LRRC28: variants seen among roughly 807,000 people sequenced by gnomAD.
The protein encoded by LRRC28 is leucine rich repeat containing 28.
Under a neutral mutation model 45.7 loss-of-function variants are expected in LRRC28, and 39 were observed. That is an observed-to-expected ratio of 0.85 (90% CI 0.66 to 1.12). The LOEUF is 1.12. Ranked by LOEUF, LRRC28 falls within the 50% of genes most tolerant of loss-of-function variation. LRRC28 has a pLI of 0.00. For synonymous variants in LRRC28, 206 were observed against 178.8 expected (o/e 1.15, Z -1.22); for missense variants, 435 against 438.5 (o/e 0.99, Z 0.07).
chr15:99,348,222 G>A, intron 6 of LRRC28, among the ~76,000 whole-genome samples: 1 of 152,154 alleles, frequency 6.6e-6, no homozygotes, highest in Middle Eastern at 3.4e-3. Context: ...CCTGTCAGTA[G>A]GTTGCCTTTT....
chr15:99,284,999 T>C (rs960815763), intron 3 of LRRC28: 3 of 640,970 alleles, frequency 4.7e-6, no homozygotes, highest in African/African-American at 3.6e-5. Flanking sequence ...CACTTCAGCC[T>C]CTTTGGCTGG....
At chr15:99,378,935 G>A (rs567002278) in intron 9 of LRRC28, among the ~76,000 whole-genome samples, 85 of 152,148 alleles carry the variant, frequency 5.6e-4, no homozygotes, top group African/African-American at 2.0e-3. Context: ...TGCTGGATTC[G>A]GTTTCCCAGT....
chr15:99,337,507 T>A (rs1300457974), intron 6 of LRRC28, among the ~76,000 whole-genome samples: 1 of 152,202 alleles, frequency 6.6e-6, no homozygotes, highest in Non-Finnish European at 1.5e-5. Flanking sequence ...GCTAAGGAGG[T>A]GGGCATCTCT....
intron 5 of LRRC28, among the ~76,000 whole-genome samples, chr15:99,327,548 A>G (rs1956026001): frequency 6.6e-6 from 1 of 152,100 alleles, no homozygotes; most frequent in Admixed American, 6.5e-5. Flanking sequence ...TAATAGTGAT[A>G]TTTCATCTTT....
intron 5 of LRRC28, chr15:99,331,751 G>C (rs1448687962): frequency 1.3e-5 from 2 of 152,032 alleles, no homozygotes; most frequent in Non-Finnish European, 1.5e-5. Context: ...GTCATTTGCT[G>C]GTCCCCAAAG....
At chr15:99,348,696 G>T (rs1956773646) in intron 6 of LRRC28, among the ~76,000 whole-genome samples, 1 of 149,492 alleles carries the variant, frequency 6.7e-6, no homozygotes, top group Non-Finnish European at 1.5e-5. Flanking sequence ...GATGCCTCCA[G>T]TTTTATTTTT....
In LRRC28 at chr15:99,336,554, C is replaced by T. The variant is rs78389246; in HGVS notation, c.592+2425C>T. Among the ~76,000 whole-genome samples, 923 of 152,306 alleles carry T rather than the reference C, an allele frequency of 6.1e-3. 10 individuals are homozygous for T. Among genetic ancestry groups the T allele is most frequent in the African/African-American group, 0.021 (890 of 41,560 alleles). On this transcript the variant is annotated intron_variant, in intron 6 of 9. Transcript: ENST00000301981. ...TGGGCTCAAGATACTCCTATTGACA[C>T]TCTCGTTGGCCTCATTCAATCTCTC...
chr15:99,323,854 C>T (rs547171355), intron 5 of LRRC28, among the ~76,000 whole-genome samples: 2 of 152,152 alleles, frequency 1.3e-5, no homozygotes, highest in African/African-American at 4.8e-5. Context: ...AACAGCAATT[C>T]GATGATCTAA....
At chr15:99,275,816 C>A (rs1249682799) in intron 2 of LRRC28, among the ~76,000 whole-genome samples, 3 of 152,126 alleles carry the variant, frequency 2.0e-5, no homozygotes, top group Non-Finnish European at 4.4e-5. Context: ...TCTTCCATGA[C>A]CATGGATTAT....
At chr15:99,362,704 A>G (rs1269574324) in intron 8 of LRRC28, among the ~76,000 whole-genome samples, 2 of 152,162 alleles carry the variant, frequency 1.3e-5, no homozygotes, top group Non-Finnish European at 2.9e-5. Flanking sequence ...TAAATGCCTG[A>G]TAGATTAGGG....
At chr15:99,354,254 T>C (rs75390830) in intron 7 of LRRC28, among the ~76,000 whole-genome samples, 3,452 of 152,330 alleles carry the variant, frequency 0.023, 39 homozygotes, top group East Asian at 0.044. Flanking sequence ...ATTTGACCTA[T>C]TTTGCACCCC....
intron 5 of LRRC28, among the ~76,000 whole-genome samples, chr15:99,321,937 T>C (rs1246556564): frequency 1.3e-5 from 2 of 152,182 alleles, no homozygotes; most frequent in Non-Finnish European, 2.9e-5. Flanking sequence ...AATAGGATGC[T>C]ACAATTGAGA....
intron 7 of LRRC28, chr15:99,355,631 A>G (rs532179477): frequency 6.6e-6 from 1 of 152,156 alleles, no homozygotes; most frequent in South Asian, 2.1e-4. Context: ...GGTTCATCCC[A>G]TGTTAGAATT....
In LRRC28 at chr15:99,293,593, C is replaced by CCAAAAAA. The variant is rs747700282; in HGVS notation, c.385+5642_385+5643insCAAAAAA. ...GGGCAACAAGAACGAAACTCTGTCA[C>CCAAAAAA]AAAAAAAAAAAAAAAAAAAAAAAAA... On this transcript the variant is annotated intron_variant, in intron 5 of 9. Coordinates refer to ENST00000301981, the MANE Select transcript of LRRC28 (RefSeq NM_144598.5). Among the ~76,000 whole-genome samples, 101 of 44,082 alleles carry CCAAAAAA rather than the reference C, an allele frequency of 2.3e-3. 9 individuals are homozygous for CCAAAAAA. Among genetic ancestry groups the CCAAAAAA allele is most frequent in the East Asian group, 3.7e-3 (5 of 1,352 alleles). The allele number at this position is 44,082 out of a possible 152,430, so 28.9% of individuals were successfully genotyped here. A position where few individuals can be genotyped will look rare whatever the true frequency, so the allele number is the denominator to read the frequency against.
chr15:99,291,590 A>G (rs909341400), intron 5 of LRRC28, among the ~76,000 whole-genome samples: 1 of 152,216 alleles, frequency 6.6e-6, no homozygotes, highest in African/African-American at 2.4e-5. Flanking sequence ...GCACCAGTTG[A>G]TATCTGCTTA....
chr15:99,300,373 C>T (rs1460225348), intron 5 of LRRC28, among the ~76,000 whole-genome samples: 1 of 151,530 alleles, frequency 6.6e-6, no homozygotes, highest in Non-Finnish European at 1.5e-5. Flanking sequence ...GCATATTTTT[C>T]TGAAGGAAAG....
At chr15:99,364,109 C>G (rs758852524) in intron 9 of LRRC28, among the ~76,000 whole-genome samples, 25 of 152,128 alleles carry the variant, frequency 1.6e-4, no homozygotes, top group Non-Finnish European at 2.9e-4. Context: ...TTCCCTCCTT[C>G]GTTTCTTAGT....
chr15:99,329,190 T>G (rs907438242), intron 5 of LRRC28, among the ~76,000 whole-genome samples: 1 of 152,174 alleles, frequency 6.6e-6, no homozygotes, highest in African/African-American at 2.4e-5. Flanking sequence ...GGCTACTTAA[T>G]GGTAAAAGAT....
intron 3 of LRRC28, chr15:99,285,115 T>C (rs1490443676): frequency 5.6e-6 from 4 of 711,106 alleles, no homozygotes; most frequent in South Asian, 2.7e-5. Flanking sequence ...CACGAAGTCA[T>C]GGTCATCAAA....
Sources: allele counts gnomAD v4.1 joint callset (sites outside exome capture counted in the v4.1 genomes callset), GRCh38; gene constraint gnomAD v4.1.1; transcripts MANE v1.5; gene names NCBI Gene and HGNC (gene_info 2026-07-23, HGNC 2026-07-21).